Variants in JARID2 observed in about 807,000 individuals in gnomAD.
The protein encoded by JARID2 is jumonji and AT-rich interaction domain containing 2, also known as protein Jumonji.
Under a neutral mutation model 125.6 loss-of-function variants are expected in JARID2, and 21 were observed. The observed-to-expected ratio is 0.17, with a 90% CI of 0.12 to 0.24. JARID2 has a LOEUF of 0.24. Ranked by LOEUF, JARID2 falls within the 10% of genes least tolerant of loss-of-function variation. JARID2 has a pLI of 1.00. For missense variants in JARID2, 1,303 were observed against 1,639.6 expected, an observed-to-expected ratio of 0.79 and a Z score of 3.55; for synonymous variants, 736 against 661.6, an observed-to-expected ratio of 1.11 and a Z score of -1.73.
At chr6:15,377,374 C>T (rs929914154) in intron 2 of JARID2, among the ~76,000 whole-genome samples, 3 of 152,174 alleles carry the variant, frequency 2.0e-5, no homozygotes, top group African/African-American at 7.2e-5. Context: ...TCAATTACCT[C>T]CTCCTGGGTC....
intron 2 of JARID2, among the ~76,000 whole-genome samples, chr6:15,403,246 G>C (rs1358058702): frequency 6.6e-6 from 1 of 152,100 alleles, no homozygotes; most frequent in Non-Finnish European, 1.5e-5. Flanking sequence ...TTTGTGAGAG[G>C]TTTTGTGTTG....
intron 3 of JARID2, among the ~76,000 whole-genome samples, chr6:15,437,242 A>C (rs1767247703): frequency 6.6e-6 from 1 of 152,006 alleles, no homozygotes; most frequent in South Asian, 2.1e-4. Context: ...TCTAGGTCAT[A>C]CTTTATGTTG....
intron 2 of JARID2, among the ~76,000 whole-genome samples, chr6:15,398,554 G>A (rs2127551811): frequency 6.6e-6 from 1 of 152,242 alleles, no homozygotes; most frequent in East Asian, 1.9e-4. Flanking sequence ...AAAACTTATG[G>A]CTATTTACAA....
intron 1 of JARID2, among the ~76,000 whole-genome samples, chr6:15,294,405 G>C (rs1761334012): frequency 6.6e-6 from 1 of 152,210 alleles, no homozygotes; most frequent in African/African-American, 2.4e-5. Context: ...TGTTAGCCAG[G>C]ATGGTCTCGA....
rs375137263 is a variant in JARID2 at position 15,517,285 on chromosome 6, G to A, written c.3558+17G>A. On this transcript the variant is annotated intron_variant, in intron 17 of 17. Coordinates refer to ENST00000341776, the MANE Select transcript of JARID2 (RefSeq NM_004973.4). ...TACGATGAGGTCAGTCCCTGCCCGC[G>A]GGGTAGGGCAGGGCGGCAGCGTGGC... 109 of 1,567,332 alleles carry A rather than the reference G, an allele frequency of 7.0e-5. No individual in the cohort carries two copies. Among genetic ancestry groups the A allele is most frequent in the Non-Finnish European group, 9.3e-5 (106 of 1,137,564 alleles).
intron 1 of JARID2, among the ~76,000 whole-genome samples, chr6:15,334,910 C>A (rs1762827720): frequency 6.6e-6 from 1 of 151,970 alleles, no homozygotes; most frequent in African/African-American, 2.4e-5. Flanking sequence ...GTTTAATTTT[C>A]AAAAATTAGT....
intron 5 of JARID2, among the ~76,000 whole-genome samples, chr6:15,471,462 T>C (rs897786866): frequency 3.9e-5 from 6 of 152,208 alleles, no homozygotes; most frequent in Non-Finnish European, 5.9e-5. Flanking sequence ...TGCATGGCTG[T>C]ATGATAGAAA....
At chr6:15,326,661 A>G (rs1185375905) in intron 1 of JARID2, among the ~76,000 whole-genome samples, 2 of 152,150 alleles carry the variant, frequency 1.3e-5, no homozygotes, top group African/African-American at 4.8e-5. Flanking sequence ...GCCACTGCAC[A>G]TGGATAATTT....
intron 1 of JARID2, among the ~76,000 whole-genome samples, chr6:15,357,818 C>T (rs1435113654): frequency 6.6e-6 from 1 of 152,130 alleles, no homozygotes; most frequent in Non-Finnish European, 1.5e-5. Flanking sequence ...TGCTGTATAT[C>T]CTTGCAGCAG....
At chr6:15,494,818 G>A (rs893142019) in intron 6 of JARID2, among the ~76,000 whole-genome samples, 5 of 152,298 alleles carry the variant, frequency 3.3e-5, no homozygotes, top group South Asian at 2.1e-4. Flanking sequence ...TGTGACAGCA[G>A]CCTGCACAGC....
At chr6:15,475,996 T>C (rs1010117588) in intron 5 of JARID2, among the ~76,000 whole-genome samples, 4 of 152,194 alleles carry the variant, frequency 2.6e-5, no homozygotes, top group African/African-American at 9.6e-5. Flanking sequence ...CTGGTTGTTT[T>C]GTGACTTTTC....
At chr6:15,391,310 C>T (rs892441497) in intron 2 of JARID2, among the ~76,000 whole-genome samples, 10 of 152,060 alleles carry the variant, frequency 6.6e-5, no homozygotes, top group African/African-American at 2.4e-4. Context: ...GCCCTGTAGG[C>T]GTAGTCGGTG....
intron 2 of JARID2, among the ~76,000 whole-genome samples, chr6:15,384,708 C>T (rs567527938): frequency 2.4e-4 from 37 of 152,234 alleles, no homozygotes; most frequent in African/African-American, 8.7e-4. Context: ...CCGCCCCAAC[C>T]CCCCGAACTC....
At chr6:15,403,804 C>T (rs1352940910) in intron 2 of JARID2, among the ~76,000 whole-genome samples, 1 of 152,268 alleles carries the variant, frequency 6.6e-6, no homozygotes, top group East Asian at 1.9e-4. Context: ...GTATTTACAT[C>T]TGTTTTTGCA....
intron 2 of JARID2, among the ~76,000 whole-genome samples, chr6:15,399,956 A>C (rs2039370394): frequency 6.6e-6 from 1 of 152,192 alleles, no homozygotes; most frequent in Non-Finnish European, 1.5e-5. Flanking sequence ...GCTTCAAGAA[A>C]ATTGACTTTA....
At chr6:15,415,343 C>T (rs985508412) in intron 3 of JARID2, among the ~76,000 whole-genome samples, 11 of 152,300 alleles carry the variant, frequency 7.2e-5, no homozygotes, top group Middle Eastern at 3.4e-3. Flanking sequence ...ACCTCCCAGA[C>T]GGGGCGGTGG....
At chr6:15,417,721 G>T (rs757239826) in intron 3 of JARID2, among the ~76,000 whole-genome samples, 1 of 151,970 alleles carries the variant, frequency 6.6e-6, no homozygotes, top group African/African-American at 2.4e-5. Context: ...CATCCTGGGG[G>T]ACAGATCCAG....
intron 2 of JARID2, among the ~76,000 whole-genome samples, chr6:15,401,856 C>T (rs1017946811): frequency 6.7e-6 from 1 of 149,392 alleles, no homozygotes; most frequent in South Asian, 2.1e-4. Flanking sequence ...GAATGCTGCT[C>T]TGGGAGGCAG....
intron 3 of JARID2, 83 bp from the exon 4 acceptor site, chr6:15,451,923 G>C (rs897311156): frequency 7.1e-5 from 94 of 1,322,360 alleles, no homozygotes; most frequent in Non-Finnish European, 8.9e-5. Context: ...TTCCCCTTAT[G>C]TGTCATGATT....
Sources: allele counts gnomAD v4.1 joint callset (sites outside exome capture counted in the v4.1 genomes callset), GRCh38; gene constraint gnomAD v4.1.1; transcripts MANE v1.5; gene names NCBI Gene and HGNC (gene_info 2026-07-23, HGNC 2026-07-21).